CMTM7: variants seen among roughly 807,000 people sequenced by gnomAD.
CMTM7 encodes CKLF like MARVEL transmembrane domain containing 7, also known as CKLF-like MARVEL transmembrane domain-containing protein 7.
CMTM7 carries 7 observed loss-of-function variants against 19.3 expected under a neutral mutation model. That is an observed-to-expected ratio of 0.36 (90% confidence interval 0.21 to 0.68). CMTM7 has a LOEUF of 0.68. Among genes scored for constraint, CMTM7 ranks in the 30% least tolerant of loss-of-function variants. The probability of loss-of-function intolerance (pLI) is 0.60; values close to 1 mark genes in which losing one functional copy is unlikely to be tolerated. For missense variants in CMTM7, 193 were observed against 232.6 expected (o/e 0.83, Z 1.11); for synonymous variants, 87 against 99.3 (o/e 0.88, Z 0.74).
chr3:32,439,434 G>C lies in CMTM7; in HGVS notation c.160-2406G>C, dbSNP rs1386111105. On this transcript the variant is annotated intron_variant, in intron 1 of 4. Transcript: ENST00000334983. ...GCATCAACTGTTTTAACTGGAGTAA[G>C]ATCCATTTTGTGATTTGATTTGATT... Among the ~76,000 whole-genome samples the C allele has an allele frequency of 2.0e-5, 3 of 152,078 alleles. No individual in the cohort carries two copies. The East Asian group carries it at 5.8e-4, about 29-fold the overall frequency.
chr3:32,426,558 G>A (rs1240455285), intron 1 of CMTM7, among the ~76,000 whole-genome samples: 2 of 151,990 alleles, frequency 1.3e-5, no homozygotes. Context: ...TTATTAGGGT[G>A]GCGGAAGGGG....
intron 3 of CMTM7, chr3:32,451,846 G>T: frequency 2.8e-6 from 1 of 352,544 alleles, no homozygotes; most frequent in Non-Finnish European, 5.5e-6. Flanking sequence ...AAAGGGTGCT[G>T]CCTTGACTTA....
intron 1 of CMTM7, among the ~76,000 whole-genome samples, chr3:32,394,835 A>G (rs1695891384): frequency 6.6e-6 from 1 of 151,930 alleles, no homozygotes; most frequent in Non-Finnish European, 1.5e-5. Flanking sequence ...AGCTGGGACT[A>G]CAGGCACGTG....
At chr3:32,400,244 C>A (rs1311963691) in intron 1 of CMTM7, among the ~76,000 whole-genome samples, 5 of 150,834 alleles carry the variant, frequency 3.3e-5, no homozygotes, top group African/African-American at 1.2e-4. Flanking sequence ...GGTCTCAAAC[C>A]CCTGACCTCA....
intron 2 of CMTM7, among the ~76,000 whole-genome samples, chr3:32,442,770 G>C (rs905833857): frequency 6.6e-6 from 1 of 152,132 alleles, no homozygotes; most frequent in Non-Finnish European, 1.5e-5. Flanking sequence ...GCTTCATTGA[G>C]ATGCAGTTCA....
At chr3:32,403,828 G>A (rs1045061746) in intron 1 of CMTM7, among the ~76,000 whole-genome samples, 1 of 152,150 alleles carries the variant, frequency 6.6e-6, no homozygotes. Flanking sequence ...TCCTTGATGG[G>A]CAGGCTGTGG....
chr3:32,408,229 T>A (rs1054654473), intron 1 of CMTM7, among the ~76,000 whole-genome samples: 1 of 152,218 alleles, frequency 6.6e-6, no homozygotes, highest in African/African-American at 2.4e-5. Context: ...TTGAGAACTG[T>A]GAGAGAATAG....
chr3:32,427,824 A>C (rs1696456334), intron 1 of CMTM7, among the ~76,000 whole-genome samples: 1 of 152,226 alleles, frequency 6.6e-6, no homozygotes, highest in African/African-American at 2.4e-5. Context: ...GTTTGGGGCT[A>C]TTCCTTGGCG....
At chr3:32,402,466 G>A (rs1388844810) in intron 1 of CMTM7, among the ~76,000 whole-genome samples, 1 of 152,162 alleles carries the variant, frequency 6.6e-6, no homozygotes, top group Non-Finnish European at 1.5e-5. Context: ...GCGGTAACCC[G>A]CAGTTTCCAC....
chr3:32,446,552 T>G (rs1230440627), intron 2 of CMTM7, among the ~76,000 whole-genome samples: 1 of 152,182 alleles, frequency 6.6e-6, no homozygotes, highest in East Asian at 1.9e-4. Context: ...GATCTTCTTT[T>G]CCTAGTGTCT....
intron 1 of CMTM7, among the ~76,000 whole-genome samples, chr3:32,426,825 T>A (rs962793239): frequency 2.0e-5 from 3 of 152,216 alleles, no homozygotes; most frequent in African/African-American, 7.2e-5. Flanking sequence ...GCATTTTTTT[T>A]AGATTATTTG....
rs58085712 is a variant in CMTM7, at chr3:32,416,361, ATTTTTTTTTTTTTTTTTTT to A, written c.159+24314_159+24332del. ...CAGACGTGCGCCACCATCCGGGCTA[ATTTTTTTTTTTTTTTTTTT>A]TTTTTTTTTTTTTTTTTGAGACGGA... On this transcript the variant is annotated intron_variant, in intron 1 of 4. Coordinates refer to ENST00000334983, the MANE Select transcript of CMTM7 (RefSeq NM_138410.4). Among the ~76,000 whole-genome samples, 240 of 72,422 alleles carry A rather than the reference ATTTTTTTTTTTTTTTTTTT, an allele frequency of 3.3e-3. 4 individuals carry two copies. Among genetic ancestry groups the A allele is most frequent in the African/African-American group, 0.014 (230 of 17,010 alleles). The allele number at this position is 72,422 out of a possible 152,430, so 47.5% of individuals were successfully genotyped here.
rs766159956 is a variant in CMTM7 at position 32,441,864 on chromosome 3, T to A, written c.184T>A (p.Cys62Ser). Residue 62 changes from cysteine (C) to serine (S), a missense_variant, in exon 2 of 5, where the codon TGT becomes AGT. Physicochemically the swap from Cys to Ser is moderately radical, Grantham distance 112. Transcript: ENST00000334983. Reference protein sequence around the residue: ...QMVTLLIAFICVRSSLWTNYS... With the variant: ...QMVTLLIAFISVRSSLWTNYS... ...GGTCACCCTGCTGATTGCCTTCATCTGTGTGCGGAGCTCCCTGTGGACCAA... is the reference window on the plus strand; with the variant it reads ...GGTCACCCTGCTGATTGCCTTCATCAGTGTGCGGAGCTCCCTGTGGACCAA... 1.2e-6 allele frequency: 2 copies of A among 1,614,234 alleles called. No individual in the cohort carries two copies. The highest frequency in any genetic ancestry group is 1.7e-6 in the Non-Finnish European group (2 of 1,180,032).
chr3:32,407,180 A>C (rs1696102192), intron 1 of CMTM7, among the ~76,000 whole-genome samples: 1 of 152,174 alleles, frequency 6.6e-6, no homozygotes, highest in African/African-American at 2.4e-5. Context: ...CTTTGGGGAC[A>C]TACAAATCTG....
intron 1 of CMTM7, among the ~76,000 whole-genome samples, chr3:32,421,563 T>C (rs954622148): frequency 1.3e-5 from 2 of 152,216 alleles, no homozygotes; most frequent in African/African-American, 4.8e-5. Context: ...GACCTTCTCC[T>C]TCCTCTATTC....
chr3:32,404,152 C>CTT (rs869206404), intron 1 of CMTM7, among the ~76,000 whole-genome samples: 4 of 131,988 alleles, frequency 3.0e-5, no homozygotes, highest in African/African-American at 1.2e-4. Flanking sequence ...CTTTTTTTTT[C>CTT]TTTTTTTTTC....
rs535269576 is a variant in CMTM7 at position 32,428,299 on chromosome 3, C to CT, written c.160-13540dup. ...GGCCAGAGTGCAGCCTCAGTCCTCC[C>CT]TGCAGCCTCAGAGTCCGACTCCTGG... is the stretch of plus-strand genomic sequence containing the variant. On this transcript the variant is annotated intron_variant, in intron 1 of 4. Transcript: ENST00000334983. 3.9e-4 allele frequency among the ~76,000 whole-genome samples: 60 copies of CT among 152,322 alleles called. No individual in the cohort carries two copies. In the South Asian group the frequency reaches 7.5e-3, roughly 19 times the overall value.
intron 1 of CMTM7, among the ~76,000 whole-genome samples, chr3:32,414,228 C>T (rs1696224223): frequency 1.3e-5 from 2 of 152,260 alleles, no homozygotes; most frequent in Non-Finnish European, 2.9e-5. Context: ...TCCACCACCC[C>T]AGGACCAAAT....
At chr3:32,439,287 G>T (rs902528943) in intron 1 of CMTM7, among the ~76,000 whole-genome samples, 13 of 152,196 alleles carry the variant, frequency 8.5e-5, no homozygotes, top group Non-Finnish European at 2.9e-5. Context: ...CTGGTAAGCA[G>T]AGCACTCTCC....
Sources: gnomAD v4.1 joint callset for allele counts (sites outside exome capture counted in the v4.1 genomes callset) on GRCh38, gnomAD v4.1.1 for gene constraint, MANE v1.5 for transcripts, NCBI Gene and HGNC (gene_info 2026-07-23, HGNC 2026-07-21) for gene names.